Variants in CACNA1G observed in about 807,000 individuals in gnomAD.
CACNA1G encodes voltage-dependent T-type calcium channel subunit alpha-1G.
In CACNA1G, 67 loss-of-function variants were observed where a neutral mutation model predicts 219.4. That is an observed-to-expected ratio of 0.31 (90% CI 0.25 to 0.37). CACNA1G has a LOEUF of 0.37. CACNA1G is among the 10% of genes least tolerant of loss of function. CACNA1G has a pLI of 1.00. For missense variants in CACNA1G, 2,380 were observed against 3,231.4 expected (o/e 0.74, Z 6.39); for synonymous variants, 1,296 against 1,345.3 (o/e 0.96, Z 0.80).
rs754805905 is a variant in CACNA1G at position 50,615,545 on chromosome 17, C to G, written c.4911+33C>G. ...CGAGTGGACCAGCCATCTGGCCCCC[C>G]CACCTCCAGCTGAGGAACCTCTGGG... On this transcript the variant is annotated intron_variant, in intron 27 of 37. Coordinates refer to ENST00000359106, the MANE Select transcript of CACNA1G (RefSeq NM_018896.5). 7 of 1,602,970 alleles carry G rather than the reference C, an allele frequency of 4.4e-6. 1 individual carries two copies. The Admixed American group carries it at 1.2e-4, about 27-fold the overall frequency.
intron 25 of CACNA1G, among the ~76,000 whole-genome samples, chr17:50,609,337 C>T (rs734289): frequency 0.29 from 43,782 of 151,988 alleles, 6,767 homozygotes; most frequent in South Asian, 0.51. Flanking sequence ...CCGTTCTCCA[C>T]GTCCCCAACC....
At position 50,621,197 on chromosome 17, in the gene CACNA1G, C is replaced by T. The variant is rs1006774612; in HGVS notation, c.5926-463C>T. 7.2e-5 allele frequency among the ~76,000 whole-genome samples: 11 copies of T among 151,896 alleles called. No individual in the cohort carries two copies. The highest frequency in any genetic ancestry group is 2.4e-4 in the African/African-American group (10 of 41,324). ...ACAGCCGTCAGATTGGTGGCATTGT[C>T]GCCGGCGCCCCCCGTGCCGCTCTGT... On this transcript the variant is annotated intron_variant, in intron 34 of 37. Transcript: ENST00000359106. This position sits in a 1 kb window ranked among gnomAD's most constrained non-coding sequence, Gnocchi z 4.6.
At chr17:50,563,448 A>T (rs980500561) in intron 1 of CACNA1G, among the ~76,000 whole-genome samples, 2 of 152,014 alleles carry the variant, frequency 1.3e-5, no homozygotes, top group African/African-American at 2.4e-5. Context: ...CTAATCATTT[A>T]CCCCTTCCAC....
chr17:50,626,098 CCG>C lies in CACNA1G; in HGVS notation c.6483_6484del (p.Leu2163GlyfsTer101). 6.2e-7 allele frequency: 1 copy of C among 1,613,662 alleles called. No individual in the cohort carries two copies. The highest frequency in any genetic ancestry group is 8.5e-7 in the Non-Finnish European group (1 of 1,179,836). On this transcript the variant is annotated frameshift_variant, in exon 38 of 38. Transcript: ENST00000359106. LOFTEE classifies it high-confidence loss of function. The surrounding 1 kb of genome is among the most constrained non-coding windows in gnomAD (Gnocchi z 4.3). ...DLLAEVSGPS[P>X]PLARAYSFWG... is the part of the protein sequence containing the mutation. ...GCTGGCAGAGGTGAGTGGGCCCTCCCCGCCCCTGGCCCGGGCCTACTCTTTCT... is the reference window on the plus strand; with the variant it reads ...GCTGGCAGAGGTGAGTGGGCCCTCCCCCCCTGGCCCGGGCCTACTCTTTCT...
chr17:50,568,843 G>T, intron 1 of CACNA1G, 27 bp from the exon 2 acceptor site: 1 of 1,593,600 alleles, frequency 6.3e-7, no homozygotes. Context: ...TCCAGCCTTG[G>T]CCAGCTGTTT....
At chr17:50,602,953 G>A in intron 20 of CACNA1G, 62 bp from the exon 21 acceptor site, 1 of 1,610,306 alleles carries the variant, frequency 6.2e-7, no homozygotes, top group Middle Eastern at 1.7e-4. Flanking sequence ...AGCTTGGGCT[G>A]AGGGTGGGAG....
At position 50,600,898 on chromosome 17, in the gene CACNA1G, C is replaced by T. The variant is rs556604161; in HGVS notation, c.3791+72C>T. 13 of 1,565,718 alleles carry T rather than the reference C, an allele frequency of 8.3e-6. No homozygotes were observed. In the African/African-American group the frequency reaches 1.8e-4, roughly 21 times the overall value. On this transcript the variant is annotated intron_variant, in intron 18 of 37. Coordinates refer to ENST00000359106, the MANE Select transcript of CACNA1G (RefSeq NM_018896.5). This position sits in a 1 kb window ranked among gnomAD's most constrained non-coding sequence, Gnocchi z 4.1. ...TCACGGGAAATTACCGCTGGTGATGCTGTCAGGGATTTGAGAAGTGGCACC... is the reference window on the plus strand; with the variant it reads ...TCACGGGAAATTACCGCTGGTGATGTTGTCAGGGATTTGAGAAGTGGCACC...
At chr17:50,606,496 A>G (rs1209404691) in intron 23 of CACNA1G, 3 of 574,792 alleles carry the variant, frequency 5.2e-6, no homozygotes, top group African/African-American at 3.7e-5. Flanking sequence ...GATGATGTGT[A>G]TATTTCTTTA....
chr17:50,602,583 C>T lies in CACNA1G; in HGVS notation c.3916-237C>T, dbSNP rs1016389103. On this transcript the variant is annotated intron_variant, in intron 19 of 37. Transcript: ENST00000359106. ...CCCTTGGGCTAAGTGGCTGTGGGGGCGGGGAGCTCTGGTCACAGACAGGGG... is the reference window on the plus strand; with the variant it reads ...CCCTTGGGCTAAGTGGCTGTGGGGGTGGGGAGCTCTGGTCACAGACAGGGG... Among the ~76,000 whole-genome samples, 12 of 152,198 alleles carry T rather than the reference C, an allele frequency of 7.9e-5. No individual in the cohort carries two copies. The East Asian group carries it at 9.6e-4, about 12-fold the overall frequency.
Position 50,591,469 on chromosome 17 carries a change from C to T in CACNA1G, c.2488C>T (p.Leu830=). ...GATCGTGGGCCAGCAGGGGGGCGGC[C>T]TGTCGGTGCTGCGGACCTTCCGCCT... ...WEIVGQQGGG[L]SVLRTFRLMR... is the part of the protein sequence containing the mutation. The change falls in exon 11 of 38, where the codon CTG becomes TTG. Residue 830 remains leucine (L), a synonymous_variant. Transcript: ENST00000359106. The T allele has an allele frequency of 6.3e-7, 1 of 1,596,578 alleles. No homozygotes were observed. Among genetic ancestry groups the T allele is most frequent in the Non-Finnish European group, 8.5e-7 (1 of 1,172,054 alleles).
chr17:50,568,731 G>A (rs918823667), intron 1 of CACNA1G, 139 bp from the exon 2 acceptor site: 18 of 703,742 alleles, frequency 2.6e-5, no homozygotes, highest in African/African-American at 1.0e-4. Context: ...GCTGGTCTGC[G>A]TGTATGTCAG....
chr17:50,596,327 A>G lies in CACNA1G; in HGVS notation c.2980-235A>G, dbSNP rs1425274037. ...GCCAGGCTGGTTGTGCTGTGGGCTC[A>G]CATAAGCTGTGGCCTTTTCTGAGGT... is the stretch of plus-strand genomic sequence containing the variant. On this transcript the variant is annotated intron_variant, in intron 14 of 37. Transcript: ENST00000359106. This position sits in a 1 kb window ranked among gnomAD's most constrained non-coding sequence, Gnocchi z 4.8. 6.6e-6 allele frequency among the ~76,000 whole-genome samples: 1 copy of G among 152,146 alleles called. No individual in the cohort carries two copies. Among genetic ancestry groups the G allele is most frequent in the Admixed American group, 6.5e-5 (1 of 15,282 alleles).
chr17:50,612,582 G>A (rs567839969), intron 26 of CACNA1G, among the ~76,000 whole-genome samples: 11 of 152,372 alleles, frequency 7.2e-5, no homozygotes, highest in Non-Finnish European at 1.6e-4. Flanking sequence ...CTGCCGTGGG[G>A]GGCCTGTGTC....
Position 50,576,182 on chromosome 17 carries a change from C to T in CACNA1G, c.1780C>T (p.His594Tyr), listed in dbSNP as rs2144899040. 6.2e-7 allele frequency: 1 copy of T among 1,610,400 alleles called. No homozygotes were observed. Among genetic ancestry groups the T allele is most frequent in the African/African-American group, 1.3e-5 (1 of 75,022 alleles). ...CAGCGGGAAGGTGTATCCCACCGTG[C>T]ACACCAGCCCTCCACCGGAGACGCT... ...VGSGKVYPTV[H>Y]TSPPPETLKE... Residue 594 changes from histidine to tyrosine, a missense_variant, in exon 8 of 38, where the codon CAC (histidine) becomes TAC (tyrosine). His to Tyr is a moderately conservative substitution (Grantham distance 83, BLOSUM62 2). Coordinates refer to ENST00000359106, the MANE Select transcript of CACNA1G (RefSeq NM_018896.5).
chr17:50,601,891 C>G (rs558109088), intron 19 of CACNA1G, among the ~76,000 whole-genome samples: 1 of 152,304 alleles, frequency 6.6e-6, no homozygotes, highest in South Asian at 2.1e-4. Context: ...TCTCATCCCT[C>G]TTTGCCATCT....
At chr17:50,576,349 T>G (rs1183520900) in intron 8 of CACNA1G, 23 bp downstream of exon 8, 1 of 1,558,410 alleles carries the variant, frequency 6.4e-7, no homozygotes, top group Admixed American at 1.9e-5. Flanking sequence ...GGTGGAGGCA[T>G]GTGGGTGCCC....
Position 50,590,486 on chromosome 17 carries a change from A to T in CACNA1G, c.2317A>T (p.Asn773Tyr), listed in dbSNP as rs2044058788. Residue 773 changes from asparagine (N) to tyrosine (Y), a missense_variant, in exon 10 of 38, where the codon AAC becomes TAC. Asn to Tyr is a moderately radical substitution (Grantham distance 143). This residue lies in a region of CACNA1G where 82 missense variants were observed against 140.7 expected (regional missense o/e 0.58). Coordinates refer to ENST00000359106, the MANE Select transcript of CACNA1G (RefSeq NM_018896.5). ...TGCCCTGCAGCCCGAGGAGCTTACC[A>T]ACGCCCTAGAAATCAGCAACATCGT... is the stretch of plus-strand genomic sequence containing the variant. ...EYHEQPEELTNALEISNIVFT... is the reference protein window; with the variant it reads ...EYHEQPEELTYALEISNIVFT... 6.2e-7 allele frequency: 1 copy of T among 1,613,868 alleles called. No individual in the cohort carries two copies. Among genetic ancestry groups the T allele is most frequent in the Non-Finnish European group, 8.5e-7 (1 of 1,179,838 alleles).
At position 50,572,113 on chromosome 17, in the gene CACNA1G, C is replaced by T. The variant is rs543439794; in HGVS notation, c.746+76C>T. The T allele has an allele frequency of 8.8e-5, 129 of 1,466,116 alleles. 2 individuals are homozygous for T. Among genetic ancestry groups the T allele is most frequent in the South Asian group, 8.5e-4 (66 of 77,540 alleles). 90.8% of individuals were successfully genotyped at this position (1,466,116 alleles called of 1,614,324 possible). ...GGCACCCCCCCAAGTTCCTCACTTC[C>T]GGTTGCTACTGACATATCTGTTCTA... On this transcript the variant is annotated intron_variant, in intron 5 of 37. Transcript: ENST00000359106.
chr17:50,564,444 G>A (rs1056211113), intron 1 of CACNA1G, among the ~76,000 whole-genome samples: 2 of 148,870 alleles, frequency 1.3e-5, no homozygotes, highest in East Asian at 4.1e-4. Context: ...CTGGCATTTG[G>A]GATGCCGAGA....
Sources: gnomAD v4.1 joint callset for allele counts (sites outside exome capture counted in the v4.1 genomes callset) on GRCh38, gnomAD v4.1.1 for gene constraint, gnomAD v4.1.1 regional missense constraint, Gnocchi (gnomAD v3.1) non-coding constraint, MANE v1.5 for transcripts, NCBI Gene and HGNC (gene_info 2026-07-23, HGNC 2026-07-21) for gene names.